The following RBFOX1 variants were observed in gnomAD, a reference collection of about 807,000 sequenced individuals.
RBFOX1 encodes the protein RNA binding protein fox-1 homolog 1.
A neutral mutation model predicts 57.7 loss-of-function variants in RBFOX1; 8 were observed. That is an observed-to-expected ratio of 0.14 (90% confidence interval 0.08 to 0.25). The LOEUF is 0.25. Among genes scored for constraint, RBFOX1 ranks in the 10% least tolerant of loss-of-function variants. The probability of loss-of-function intolerance (pLI) is 1.00; values close to 1 mark genes in which losing one functional copy is unlikely to be tolerated. For missense variants in RBFOX1, 611 were observed against 548.5 expected (o/e 1.11, Z -1.14); for synonymous variants, 326 against 222.4 (o/e 1.47, Z -4.15).
intron 3 of RBFOX1, among the ~76,000 whole-genome samples, chr16:5,637,785 C>T (rs12445148): frequency 0.02 from 3,059 of 152,200 alleles, 37 homozygotes; most frequent in Non-Finnish European, 0.033. Flanking sequence ...CTGAAGACCA[C>T]CCTCCCTGGT....
intron 2 of RBFOX1, among the ~76,000 whole-genome samples, chr16:6,581,579 C>G (rs7199986): frequency 0.017 from 2,582 of 152,004 alleles, 78 homozygotes; most frequent in African/African-American, 0.058. Context: ...GGGCAGAAGG[C>G]GGATATCGAT....
At chr16:5,428,130 GTGTGTGTGTGTGTGTGTA>G (rs1567495900) in intron 1 of RBFOX1, among the ~76,000 whole-genome samples, 3 of 142,302 alleles carry the variant, frequency 2.1e-5, no homozygotes, top group Admixed American at 6.7e-5. Flanking sequence ...GTCTGTGTGT[GTGTGTGTGTGTGTGTGTA>G]TGTGTGTATG....
At chr16:5,633,286 C>G (rs915972950) in intron 3 of RBFOX1, among the ~76,000 whole-genome samples, 20 of 152,244 alleles carry the variant, frequency 1.3e-4, no homozygotes, top group African/African-American at 4.1e-4. Flanking sequence ...AGCTCCCACT[C>G]TTCTCCCTGG....
chr16:7,207,968 T>C (rs569552519), intron 4 of RBFOX1, among the ~76,000 whole-genome samples: 2 of 152,296 alleles, frequency 1.3e-5, no homozygotes, highest in South Asian at 4.1e-4. Context: ...GTTACCTTTA[T>C]TGTGAGCCTC....
chr16:5,389,716 A>G (rs937237923), intron 1 of RBFOX1, among the ~76,000 whole-genome samples: 3 of 151,094 alleles, frequency 2.0e-5, no homozygotes, highest in African/African-American at 7.3e-5. Flanking sequence ...ATTTTATTTT[A>G]AGATGGAGTC....
chr16:5,516,374 G>A (rs1455850967), intron 2 of RBFOX1, among the ~76,000 whole-genome samples: 1 of 151,432 alleles, frequency 6.6e-6, no homozygotes, highest in Non-Finnish European at 1.5e-5. Flanking sequence ...ATCACTTCCT[G>A]TCTCACATTA....
At chr16:6,198,122 G>C (rs1476881860) in intron 1 of RBFOX1, among the ~76,000 whole-genome samples, 2 of 152,078 alleles carry the variant, frequency 1.3e-5, no homozygotes, top group African/African-American at 4.8e-5. Context: ...TCAGACTTTT[G>C]GGGGAAGGAT....
intron 4 of RBFOX1, among the ~76,000 whole-genome samples, chr16:7,410,907 C>G (rs1026842114): frequency 6.6e-6 from 1 of 150,986 alleles, no homozygotes; most frequent in African/African-American, 2.4e-5. Flanking sequence ...TAAGTTCCAT[C>G]GATCTACTCT....
chr16:6,483,608 G>A (rs904098092), intron 2 of RBFOX1: 1 of 1,526,062 alleles, frequency 6.6e-7, no homozygotes, highest in African/African-American at 1.4e-5. Context: ...GAGAGAGGGA[G>A]GGAGGGAAGG....
intron 1 of RBFOX1, among the ~76,000 whole-genome samples, chr16:5,307,445 C>T (rs1032545238): frequency 1.3e-5 from 2 of 152,106 alleles, no homozygotes; most frequent in African/African-American, 4.8e-5. Context: ...TAAAATAAAA[C>T]AGCAGAGAAG....
chr16:6,305,719 C>A (rs1404776875), intron 1 of RBFOX1, among the ~76,000 whole-genome samples: 4 of 151,360 alleles, frequency 2.6e-5, no homozygotes, highest in African/African-American at 9.7e-5. Context: ...TTTTTATTTC[C>A]ACCTCGTGCA....
chr16:7,254,498 C>T (rs201106791), intron 4 of RBFOX1, among the ~76,000 whole-genome samples: 5 of 150,862 alleles, frequency 3.3e-5, no homozygotes, highest in Non-Finnish European at 5.9e-5. Flanking sequence ...CTCTCTCTCT[C>T]TTTTTTTTTA....
intron 3 of RBFOX1, among the ~76,000 whole-genome samples, chr16:6,749,672 A>C (rs374732938): frequency 6.6e-6 from 1 of 152,186 alleles, no homozygotes; most frequent in Admixed American, 6.5e-5. Context: ...AGGGGTAACA[A>C]ATCTTAGTGA....
rs192575362 is a variant in RBFOX1 at position 6,679,073 on chromosome 16, T to G, written c.-16+24423T>G. 2.0e-5 allele frequency among the ~76,000 whole-genome samples: 3 copies of G among 152,242 alleles called. No homozygotes were observed. In the East Asian group the frequency reaches 5.8e-4, roughly 30 times the overall value. ...AACACCTCTCTAACCCTTGCTAATC[T>G]TTTTGAACAGAGAGAGAGGGCAAGC... On this transcript the variant is annotated intron_variant, in intron 3 of 15. Coordinates refer to ENST00000550418, the MANE Select transcript of RBFOX1 (RefSeq NM_018723.4).
intron 4 of RBFOX1, among the ~76,000 whole-genome samples, chr16:7,383,840 A>G (rs1940779348): frequency 1.3e-5 from 2 of 152,094 alleles, no homozygotes. Flanking sequence ...GCAGATCACA[A>G]GGTCAGAAGA....
At position 6,920,027 on chromosome 16, in the gene RBFOX1, A is replaced by G. The variant is rs117948964; in HGVS notation, c.-15-132030A>G. On this transcript the variant is annotated intron_variant, in intron 3 of 15. Transcript: ENST00000550418. ...TTAGCTCTCCCTTATAAGACGGAAA[A>G]TATGATATTTGTTTTTCCGTTCCTG... 2.9e-3 allele frequency among the ~76,000 whole-genome samples: 439 copies of G among 152,130 alleles called. 1 individual carries two copies. The highest frequency in any genetic ancestry group is 4.9e-3 in the Non-Finnish European group (330 of 67,990).
At chr16:5,923,310 A>T (rs1344924608) in intron 4 of RBFOX1, among the ~76,000 whole-genome samples, 1 of 152,038 alleles carries the variant, frequency 6.6e-6, no homozygotes, top group African/African-American at 2.4e-5. Context: ...GGGGATGGGG[A>T]TGGTGGGGAC....
intron 5 of RBFOX1, among the ~76,000 whole-genome samples, chr16:7,578,851 T>C (rs542614892): frequency 1.1e-4 from 16 of 152,326 alleles, no homozygotes; most frequent in African/African-American, 3.4e-4. Context: ...GCTATAATGA[T>C]ACCTAATGTG....
At chr16:6,177,065 T>C (rs968553792) in intron 1 of RBFOX1, among the ~76,000 whole-genome samples, 4 of 152,194 alleles carry the variant, frequency 2.6e-5, no homozygotes, top group East Asian at 1.9e-4. Context: ...AACAACGTAA[T>C]AGTCATTTAA....
Sources: gnomAD v4.1 joint callset for allele counts (sites outside exome capture counted in the v4.1 genomes callset) on GRCh38, gnomAD v4.1.1 for gene constraint, MANE v1.5 for transcripts, NCBI Gene and HGNC (gene_info 2026-07-23, HGNC 2026-07-21) for gene names.